The following BEST3 variants were observed in gnomAD, a reference collection of about 807,000 sequenced individuals.
The protein encoded by BEST3 is bestrophin-3.
BEST3 carries 50 observed loss-of-function variants against 47.1 expected under a neutral mutation model. The observed-to-expected ratio is 1.06, with a 90% CI of 0.85 to 1.34. The LOEUF (loss-of-function observed/expected upper bound fraction) is 1.34, where lower values mean the gene tolerates loss of function less well. Among genes scored for constraint, BEST3 ranks in the 40% most tolerant of loss-of-function variants. The pLI is 0.00. For synonymous variants in BEST3, 282 were observed against 298.8 expected, an observed-to-expected ratio of 0.94 and a Z score of 0.58; for missense variants, 765 against 817.0, an observed-to-expected ratio of 0.94 and a Z score of 0.78.
intron 2 of BEST3, among the ~76,000 whole-genome samples, chr12:69,695,347 C>T (rs1041933730): frequency 4.6e-5 from 7 of 152,150 alleles, no homozygotes; most frequent in African/African-American, 1.2e-4. Flanking sequence ...GTCAGTAGAA[C>T]TTTGATAAAG....
chr12:69,665,079 G>A (rs1185341431), intron 9 of BEST3, among the ~76,000 whole-genome samples: 4 of 147,630 alleles, frequency 2.7e-5, no homozygotes, highest in Non-Finnish European at 6.0e-5. Context: ...GTCCAAACAA[G>A]GCCAGGGTAC....
chr12:69,660,912 C>T (rs1311404259), intron 9 of BEST3: 1 of 152,178 alleles, frequency 6.6e-6, no homozygotes, highest in African/African-American at 2.4e-5. Flanking sequence ...ATATGGAATA[C>T]CTACACAAAC....
chr12:69,698,046 C>T (rs781429815), intron 1 of BEST3, among the ~76,000 whole-genome samples: 1 of 152,092 alleles, frequency 6.6e-6, no homozygotes, highest in Non-Finnish European at 1.5e-5. Context: ...TTAAACTTGC[C>T]TTAACTGTTA....
intron 9 of BEST3, chr12:69,670,657 AC>A: frequency 3.0e-6 from 2 of 656,500 alleles, no homozygotes; most frequent in South Asian, 3.5e-5. Context: ...CAGGACACAA[AC>A]CCACTGCACA....
chr12:69,645,057 T>TG (rs964960327), intron 9 of BEST3, among the ~76,000 whole-genome samples: 30 of 152,192 alleles, frequency 2.0e-4, no homozygotes, highest in Non-Finnish European at 2.5e-4. Flanking sequence ...GAAGAACCTA[T>TG]GGGGGGCCTC....
At chr12:69,650,760 A>C (rs533192446), downstream of BEST3, among the ~76,000 whole-genome samples, 1 of 152,150 alleles carries the variant, frequency 6.6e-6, no homozygotes. Context: ...GAGACACATA[A>C]TGGGTTAGAG....
At chr12:69,678,231 T>C (rs1885035238) in intron 5 of BEST3, among the ~76,000 whole-genome samples, 1 of 42,150 alleles carries the variant, frequency 2.4e-5, no homozygotes, top group Non-Finnish European at 6.5e-5. Flanking sequence ...CCAGCCCTTA[T>C]ATAAAAAAAA....
chr12:69,665,864 A>T (rs1404447470), intron 9 of BEST3, among the ~76,000 whole-genome samples: 1 of 152,080 alleles, frequency 6.6e-6, no homozygotes, highest in Non-Finnish European at 1.5e-5. Context: ...TAAGTATGAA[A>T]ATGGCATTAT....
At chr12:69,664,383 T>C (rs1884056107) in intron 9 of BEST3, among the ~76,000 whole-genome samples, 2 of 152,148 alleles carry the variant, frequency 1.3e-5, no homozygotes, top group Admixed American at 6.6e-5. Flanking sequence ...CTCCCCTTAC[T>C]GTATCCAACT....
chr12:69,687,706 A>G (rs1473310654), intron 4 of BEST3, among the ~76,000 whole-genome samples: 1 of 151,778 alleles, frequency 6.6e-6, no homozygotes, highest in Non-Finnish European at 1.5e-5. Context: ...AGAAAATTAA[A>G]GGGTGTTTTT....
Position 69,691,771 on chromosome 12 carries a change from A to G in BEST3, c.481+1903T>C, listed in dbSNP as rs537516349. Among the ~76,000 whole-genome samples the G allele has an allele frequency of 1.7e-4, 26 of 152,336 alleles. No individual in the cohort carries two copies. The South Asian group carries it at 1.9e-3, about 11-fold the overall frequency. ...AGCGCCACTTCACTCCAGCCTGGCC[A>G]CAGAGCAAGACTCTGTCTCAAAAAA... On this transcript the variant is annotated intron_variant, in intron 4 of 9. Coordinates refer to ENST00000330891, the MANE Select transcript of BEST3 (RefSeq NM_032735.3).
chr12:69,672,710 C>T (rs1268974932), intron 8 of BEST3, among the ~76,000 whole-genome samples, 175 bp downstream of exon 8: 1 of 152,158 alleles, frequency 6.6e-6, no homozygotes, highest in East Asian at 1.9e-4. Flanking sequence ...GAGCTGAAAT[C>T]TCGGATGTGT....
At chr12:69,694,616 CA>C (rs34684202) in intron 2 of BEST3, 152 bp from the exon 3 acceptor site, 11,637 of 409,596 alleles carry the variant, frequency 0.028, 1,063 homozygotes, top group African/African-American at 0.2. Flanking sequence ...TGATGTGTCT[CA>C]AAAGCTTTTT....
At chr12:69,688,956 G>T (rs899885773) in intron 4 of BEST3, 13 of 371,800 alleles carry the variant, frequency 3.5e-5, no homozygotes, top group Non-Finnish European at 4.8e-5. Flanking sequence ...TGAAGTTTGA[G>T]AACATGTACT....
Position 69,655,205 on chromosome 12 carries a change from C to G in BEST3, c.1709G>C (p.Ser570Thr). The G allele has an allele frequency of 6.2e-7, 1 of 1,614,124 alleles. No individual in the cohort carries two copies. The highest frequency in any genetic ancestry group is 8.5e-7 in the Non-Finnish European group (1 of 1,180,020). Reference sequence around the variant, plus strand: ...ACAGTTGAATATATTTTCCTCAGCGCTGGCTGAAACTGTCTGGGGACTGGG... The same window carrying G: ...ACAGTTGAATATATTTTCCTCAGCGGTGGCTGAAACTGTCTGGGGACTGGG... ...GGPSPQTVSA[S>T]AEENIFNCEE... is the part of the protein sequence containing the mutation. The change falls in exon 10 of 10, where the codon AGC (serine) becomes ACC (threonine). Residue 570 changes from serine (S) to threonine (T), a missense_variant. Transcript: ENST00000330891.
chr12:69,646,976 T>C (rs530631826), intron 9 of BEST3, among the ~76,000 whole-genome samples: 1 of 152,218 alleles, frequency 6.6e-6, no homozygotes, highest in Non-Finnish European at 1.5e-5. Flanking sequence ...TCTGAACCCA[T>C]CTGCAACCAT....
At chr12:69,646,222 G>A (rs1883032375) in intron 9 of BEST3, among the ~76,000 whole-genome samples, 1 of 152,176 alleles carries the variant, frequency 6.6e-6, no homozygotes, top group Non-Finnish European at 1.5e-5. Flanking sequence ...ACAGGCGTGA[G>A]CCACCGTGCC....
intron 2 of BEST3, among the ~76,000 whole-genome samples, chr12:69,695,799 TTAAA>T (rs1254675761): frequency 6.6e-6 from 1 of 152,178 alleles, no homozygotes; most frequent in Non-Finnish European, 1.5e-5. Flanking sequence ...ATTGTAAAGA[TTAAA>T]TAATATATGT....
intron 4 of BEST3, among the ~76,000 whole-genome samples, chr12:69,690,756 G>C (rs183597853): frequency 1.3e-5 from 2 of 152,096 alleles, no homozygotes; most frequent in Admixed American, 6.6e-5. Flanking sequence ...TCTTAGAGAC[G>C]GTAATTCTTA....
Sources: allele counts gnomAD v4.1 joint callset (sites outside exome capture counted in the v4.1 genomes callset), GRCh38; gene constraint gnomAD v4.1.1; transcripts MANE v1.5; gene names NCBI Gene and HGNC (gene_info 2026-07-23, HGNC 2026-07-21).